The following TARS1 variants were observed in gnomAD, a reference collection of about 807,000 sequenced individuals.
TARS1 encodes threonine--tRNA ligase 1, cytoplasmic.
In TARS1, 57 loss-of-function variants were observed where a neutral mutation model predicts 97.7. The observed-to-expected ratio is 0.58, with a 90% confidence interval of 0.47 to 0.73. The LOEUF (loss-of-function observed/expected upper bound fraction) is 0.73, where lower values mean the gene tolerates loss of function less well. TARS1 is among the 30% of genes least tolerant of loss of function. The pLI is 0.00. For synonymous variants in TARS1, 312 were observed against 293.7 expected (o/e 1.06, Z -0.64); for missense variants, 806 against 888.3 (o/e 0.91, Z 1.18).
intron 1 of TARS1, among the ~76,000 whole-genome samples, chr5:33,443,009 A>T (rs964932339): frequency 2.6e-5 from 4 of 152,256 alleles, no homozygotes; most frequent in African/African-American, 9.6e-5. Context: ...TGAGAAAGGT[A>T]ATTCTGTAGC....
At chr5:33,462,048 A>G in intron 15 of TARS1, 42 bp downstream of exon 15, 2 of 1,599,844 alleles carry the variant, frequency 1.3e-6, no homozygotes, top group Non-Finnish European at 1.7e-6. Flanking sequence ...CCAGGGATAT[A>G]TAAGAGAAAA....
chr5:33,451,834 A>G (rs568720254), intron 3 of TARS1, among the ~76,000 whole-genome samples: 3 of 152,354 alleles, frequency 2.0e-5, no homozygotes, highest in Non-Finnish European at 2.9e-5. Flanking sequence ...CCCAAAGAAT[A>G]TAGAGAATAT....
chr5:33,440,842 T>G (rs1417935753), upstream of TARS1: 1 of 555,104 alleles, frequency 1.8e-6, no homozygotes. Context: ...CCTGATTTCC[T>G]AGAAGGGCTC....
intron 3 of TARS1, 96 bp downstream of exon 3, chr5:33,448,827 G>A: frequency 9.7e-7 from 1 of 1,033,372 alleles, no homozygotes; most frequent in East Asian, 2.8e-5. Context: ...ATATTTTTAT[G>A]TTACCATTCA....
intron 18 of TARS1, among the ~76,000 whole-genome samples, chr5:33,467,351 G>A (rs1312988006): frequency 1.3e-5 from 2 of 152,036 alleles, no homozygotes; most frequent in Admixed American, 6.6e-5. Context: ...TGGTTGTTAC[G>A]TTGTCTAGAT....
chr5:33,466,229 A>G (rs1236787859), intron 17 of TARS1: 1 of 152,210 alleles, frequency 6.6e-6, no homozygotes, highest in African/African-American at 2.4e-5. Flanking sequence ...GTTTTCTGCC[A>G]CGTGTGGGGT....
chr5:33,464,035 T>C (rs1198254310), intron 17 of TARS1, among the ~76,000 whole-genome samples: 3 of 152,192 alleles, frequency 2.0e-5, no homozygotes, highest in Non-Finnish European at 4.4e-5. Flanking sequence ...GGATAGTGTT[T>C]TATGTACACT....
At chr5:33,462,303 C>A in intron 16 of TARS1, 100 bp downstream of exon 16, 1 of 1,103,110 alleles carries the variant, frequency 9.1e-7, no homozygotes, top group African/African-American at 1.6e-5. Flanking sequence ...GAGAATGATT[C>A]CAATCGGTTG....
intron 8 of TARS1, among the ~76,000 whole-genome samples, chr5:33,456,990 G>A (rs530170088): frequency 6.6e-6 from 1 of 152,080 alleles, no homozygotes; most frequent in Non-Finnish European, 1.5e-5. Context: ...TAAAGAATGG[G>A]GTCTCCCTGT....
Position 33,441,121 on chromosome 5 carries a change from A to C in TARS1, c.35A>C (p.Lys12Thr). Residue 12 changes from lysine to threonine, a missense_variant, in exon 1 of 19, where the codon AAG (lysine) becomes ACG (threonine). By Grantham distance (78) the Lys-to-Thr change is moderately conservative. Transcript: ENST00000265112. ...FEEKASSPSG[K>T]MGGEEKPIGA... The stretch of plus-strand genomic sequence containing the variant: ...GAGAAGGCCAGCAGTCCTTCAGGGA[A>C]GATGGGAGGCGAGGAGAAGCCGGTG... The C allele has an allele frequency of 6.2e-7, 1 of 1,614,216 alleles. No individual in the cohort carries two copies. The highest frequency in any genetic ancestry group is 1.6e-4 in the Middle Eastern group (1 of 6,062).
rs1233566698 is a variant in TARS1, at chr5:33,443,498, C to A, written c.58-1826C>A. On this transcript the variant is annotated intron_variant, in intron 1 of 18. Coordinates refer to ENST00000265112, the MANE Select transcript of TARS1 (RefSeq NM_152295.5). ...TTCTTTTTTTTTTTTTTTTTGTTGT[C>A]GTTGTTGTTGTTGAAATGGAGTCTT... Among the ~76,000 whole-genome samples, 2 of 99,718 alleles carry A rather than the reference C, an allele frequency of 2.0e-5. 1 individual carries two copies. Among genetic ancestry groups the A allele is most frequent in the South Asian group, 6.4e-4 (2 of 3,132 alleles). The allele number at this position is 99,718 out of a possible 152,430, so 65.4% of individuals were successfully genotyped here.
At chr5:33,455,926 C>T (rs896666057) in intron 6 of TARS1, 76 bp from the exon 7 acceptor site, 2 of 1,281,206 alleles carry the variant, frequency 1.6e-6, no homozygotes, top group African/African-American at 1.5e-5. Context: ...TCATACAGTG[C>T]TACGTTTTAG....
intron 18 of TARS1, among the ~76,000 whole-genome samples, chr5:33,467,353 T>C (rs969509110): frequency 6.6e-6 from 1 of 152,230 alleles, no homozygotes; most frequent in African/African-American, 2.4e-5. Context: ...GTTGTTACGT[T>C]GTCTAGATTG....
At chr5:33,455,880 A>G in intron 6 of TARS1, 122 bp from the exon 7 acceptor site, 1 of 1,001,944 alleles carries the variant, frequency 1.0e-6, no homozygotes. Context: ...CATTCCTTCA[A>G]CATGTTTTTA....
intron 3 of TARS1, among the ~76,000 whole-genome samples, chr5:33,450,412 A>G (rs1259914437): frequency 2.0e-5 from 3 of 152,220 alleles, no homozygotes; most frequent in African/African-American, 7.2e-5. Flanking sequence ...AGTTAGGCCT[A>G]TGAGCCATGA....
At chr5:33,447,015 G>A (rs1314262157) in intron 2 of TARS1, among the ~76,000 whole-genome samples, 1 of 152,166 alleles carries the variant, frequency 6.6e-6, no homozygotes, top group Non-Finnish European at 1.5e-5. Flanking sequence ...TGATACGGTG[G>A]TAGGAACCAA....
chr5:33,450,315 C>T lies in TARS1; in HGVS notation c.329+1584C>T, dbSNP rs78571879. On this transcript the variant is annotated intron_variant, in intron 3 of 18. Coordinates refer to ENST00000265112, the MANE Select transcript of TARS1 (RefSeq NM_152295.5). ...CAATTTTGTATTGTTGAACCAAACACGTAAAAGAACAAGCACAAAAACAGT... is the reference window on the plus strand; with the variant it reads ...CAATTTTGTATTGTTGAACCAAACATGTAAAAGAACAAGCACAAAAACAGT... Among the ~76,000 whole-genome samples the T allele has an allele frequency of 3.2e-4, 48 of 152,276 alleles. No individual in the cohort carries two copies. In the East Asian group the frequency reaches 9.0e-3, roughly 29 times the overall value.
At chr5:33,462,348 AG>A in intron 16 of TARS1, 145 bp downstream of exon 16, 1 of 723,712 alleles carries the variant, frequency 1.4e-6, no homozygotes, top group South Asian at 2.0e-5. Flanking sequence ...TTAAAAAATA[AG>A]GAATCACAAT....
chr5:33,442,799 C>A (rs563091777), intron 1 of TARS1, among the ~76,000 whole-genome samples: 4 of 152,166 alleles, frequency 2.6e-5, no homozygotes, highest in Non-Finnish European at 4.4e-5. Flanking sequence ...CCACCGCGCC[C>A]GGCCTCATTC....
Sources: allele counts gnomAD v4.1 joint callset (sites outside exome capture counted in the v4.1 genomes callset), GRCh38; gene constraint gnomAD v4.1.1; transcripts MANE v1.5; gene names NCBI Gene and HGNC (gene_info 2026-07-23, HGNC 2026-07-21).